The following ITGBL1 variants were observed in gnomAD, a reference collection of about 807,000 sequenced individuals.
ITGBL1 encodes the protein integrin subunit beta like 1.
Under a neutral mutation model 68.5 loss-of-function variants are expected in ITGBL1, and 51 were observed. The observed-to-expected ratio is 0.74, with a 90% CI of 0.59 to 0.94. ITGBL1 has a LOEUF of 0.94. Ranked by LOEUF, ITGBL1 falls within the 40% of genes least tolerant of loss-of-function variation. The pLI is 0.00. For synonymous variants in ITGBL1, 209 were observed against 227.3 expected (o/e 0.92, Z 0.72); for missense variants, 649 against 647.4 (o/e 1.00, Z -0.03).
At chr13:101,715,465 G>A (rs759767646) in intron 10 of ITGBL1, 98 bp from the exon 11 acceptor site, 5 of 850,948 alleles carry the variant, frequency 5.9e-6, no homozygotes, top group Non-Finnish European at 1.0e-5. Context: ...AAGGATGAAT[G>A]AAATGATTTC....
chr13:101,652,113 A>G (rs576932406), intron 7 of ITGBL1, among the ~76,000 whole-genome samples: 1 of 152,184 alleles, frequency 6.6e-6, no homozygotes, highest in African/African-American at 2.4e-5. Context: ...ATTTATTTTT[A>G]GAGACAGGAT....
chr13:101,471,548 G>A (rs55697316), intron 2 of ITGBL1, among the ~76,000 whole-genome samples: 79,904 of 140,402 alleles, frequency 0.57, 21,453 homozygotes, highest in Non-Finnish European at 0.6. Flanking sequence ...GTGTGTGTGT[G>A]TGTGTGTGTG....
At chr13:101,709,406 A>C (rs2034359064) in intron 9 of ITGBL1, among the ~76,000 whole-genome samples, 3 of 146,744 alleles carry the variant, frequency 2.0e-5, no homozygotes, top group East Asian at 2.0e-4. Context: ...AAAGAAAAGC[A>C]GGAAAGGAGG....
downstream of ITGBL1, chr13:101,718,083 T>C (rs959584805): frequency 7.2e-5 from 11 of 152,154 alleles, no homozygotes; most frequent in East Asian, 1.9e-4. Flanking sequence ...TATAGTCAGC[T>C]CTGTTCTAGT....
intron 2 of ITGBL1, among the ~76,000 whole-genome samples, chr13:101,561,681 A>G (rs2050102669): frequency 6.6e-6 from 1 of 152,196 alleles, no homozygotes; most frequent in Non-Finnish European, 1.5e-5. Context: ...CGTGGGGAAA[A>G]TGGAGAGACG....
intron 2 of ITGBL1, among the ~76,000 whole-genome samples, chr13:101,563,950 A>G (rs2050140085): frequency 6.6e-6 from 1 of 151,896 alleles, no homozygotes; most frequent in South Asian, 2.1e-4. Flanking sequence ...AAAATATAAT[A>G]CTTATTACCA....
chr13:101,691,148 G>A (rs192026484), intron 7 of ITGBL1, among the ~76,000 whole-genome samples: 1 of 152,190 alleles, frequency 6.6e-6, no homozygotes, highest in Admixed American at 6.5e-5. Context: ...CCTGACCAAG[G>A]GTGTCTGATG....
intron 2 of ITGBL1, among the ~76,000 whole-genome samples, chr13:101,542,062 C>T (rs1566723557): frequency 6.6e-6 from 1 of 152,150 alleles, no homozygotes. Flanking sequence ...TCCTTCAGTT[C>T]TGCTCTGATC....
chr13:101,513,778 A>G (rs2049152217), intron 2 of ITGBL1, among the ~76,000 whole-genome samples: 1 of 152,096 alleles, frequency 6.6e-6, no homozygotes, highest in Non-Finnish European at 1.5e-5. Context: ...TGAATTGTTA[A>G]CGAGGATGTA....
intron 6 of ITGBL1, among the ~76,000 whole-genome samples, chr13:101,588,297 T>TTGTGTGTGTGTGTGTGTGTGTG (rs10661136): frequency 6.7e-5 from 10 of 149,672 alleles, no homozygotes; most frequent in African/African-American, 2.5e-4. Context: ...TATTCTTCCA[T>TTGTGTGTGTGTGTGTGTGTGTG]TGTGTGTGTG....
chr13:101,674,594 T>A (rs1212130567), intron 7 of ITGBL1, among the ~76,000 whole-genome samples: 1 of 152,134 alleles, frequency 6.6e-6, no homozygotes, highest in Non-Finnish European at 1.5e-5. Context: ...AGAGTATATA[T>A]GTTGAGATAA....
intron 7 of ITGBL1, among the ~76,000 whole-genome samples, chr13:101,638,177 A>G (rs2032238675): frequency 6.6e-6 from 1 of 152,226 alleles, no homozygotes; most frequent in Non-Finnish European, 1.5e-5. Flanking sequence ...CTCCTCAAAG[A>G]GAGTCAATGA....
intron 10 of ITGBL1, 30 bp downstream of exon 10, chr13:101,714,581 A>G (rs889218369): frequency 7.7e-7 from 1 of 1,302,296 alleles, no homozygotes; most frequent in Non-Finnish European, 1.1e-6. Flanking sequence ...TAATTGCTCT[A>G]TGCCACAGTT....
At chr13:101,674,831 AT>A (rs1288936948) in intron 7 of ITGBL1, among the ~76,000 whole-genome samples, 2 of 151,694 alleles carry the variant, frequency 1.3e-5, no homozygotes, top group Non-Finnish European at 2.9e-5. Context: ...ACTTCATCTT[AT>A]TTTTATGGAA....
intron 7 of ITGBL1, among the ~76,000 whole-genome samples, chr13:101,657,908 G>T (rs1196319251): frequency 6.6e-6 from 1 of 152,060 alleles, no homozygotes; most frequent in East Asian, 1.9e-4. Flanking sequence ...TTATCCTTTG[G>T]GTAGCACACA....
chr13:101,717,606 C>G (rs1288578913), downstream of ITGBL1: 1 of 152,126 alleles, frequency 6.6e-6, no homozygotes, highest in African/African-American at 2.4e-5. Context: ...CGCTTATCCT[C>G]CTATTAAGGA....
At chr13:101,655,558 C>T (rs2032894573) in intron 7 of ITGBL1, among the ~76,000 whole-genome samples, 1 of 152,086 alleles carries the variant, frequency 6.6e-6, no homozygotes, top group South Asian at 2.1e-4. Context: ...TTAAGTTTCC[C>T]TCTCCTATGC....
At chr13:101,590,435 AC>A (rs1459440223) in intron 6 of ITGBL1, among the ~76,000 whole-genome samples, 4 of 151,858 alleles carry the variant, frequency 2.6e-5, no homozygotes, top group African/African-American at 9.7e-5. Flanking sequence ...GGGGCACGTC[AC>A]TGCTTGTGAA....
chr13:101,550,100 T>C (rs920503042), intron 2 of ITGBL1, among the ~76,000 whole-genome samples: 1 of 152,188 alleles, frequency 6.6e-6, no homozygotes, highest in African/African-American at 2.4e-5. Context: ...ATAAGTCTTT[T>C]TCTATGAGCT....
Sources: gnomAD v4.1 joint callset for allele counts (sites outside exome capture counted in the v4.1 genomes callset) on GRCh38, gnomAD v4.1.1 for gene constraint, MANE v1.5 for transcripts, NCBI Gene and HGNC (gene_info 2026-07-23, HGNC 2026-07-21) for gene names.